Variants in TDRD12 observed in about 807,000 individuals in gnomAD.
TDRD12 encodes tudor domain containing 12.
Under a neutral mutation model 133.5 loss-of-function variants are expected in TDRD12, and 158 were observed. The observed-to-expected ratio is 1.18, with a 90% CI of 1.04 to 1.35. TDRD12 has a LOEUF of 1.35. Among genes scored for constraint, TDRD12 ranks in the 40% most tolerant of loss-of-function variants. TDRD12 has a pLI of 0.00. For missense variants in TDRD12, 1,443 were observed against 1,321.3 expected (o/e 1.09, Z -1.43); for synonymous variants, 460 against 477.9 (o/e 0.96, Z 0.49).
At chr19:32,766,858 G>T (rs142821036) in intron 8 of TDRD12, among the ~76,000 whole-genome samples, 1 of 151,674 alleles carries the variant, frequency 6.6e-6, no homozygotes, top group African/African-American at 2.4e-5. Flanking sequence ...TAAGTGATCC[G>T]CTGGCCTCAG....
rs538658017 is a variant in TDRD12, at chr19:32,784,524, CCT to C, written c.1122-6004_1122-6003del. On this transcript the variant is annotated intron_variant, in intron 11 of 27. Coordinates refer to ENST00000444215, the Ensembl canonical transcript of TDRD12. ...TCATAAAATGAGTTAGGAAGGATTC[CCT>C]CTTTTTCTGTTGATTGGAATAGTTT... Among the ~76,000 whole-genome samples the C allele has an allele frequency of 2.1e-3, 314 of 152,194 alleles. 2 individuals carry two copies. Among genetic ancestry groups the C allele is most frequent in the African/African-American group, 7.3e-3 (304 of 41,538 alleles).
intron 9 of TDRD12, 104 bp downstream of exon 9, chr19:32,772,954 A>G: frequency 1.7e-6 from 1 of 598,018 alleles, no homozygotes; most frequent in East Asian, 3.5e-5. Flanking sequence ...TTTTCTATTA[A>G]AAAATCATTG....
downstream of TDRD12, among the ~76,000 whole-genome samples, chr19:32,823,235 A>G (rs1326216458): frequency 3.9e-5 from 6 of 152,122 alleles, no homozygotes; most frequent in East Asian, 9.6e-4. Flanking sequence ...TTGAGGATGG[A>G]GAGTGTGGGA....
chr19:32,816,574 G>A lies in TDRD12; in HGVS notation c.3314+954G>A, dbSNP rs1967188624. 2.0e-5 allele frequency among the ~76,000 whole-genome samples: 3 copies of A among 152,150 alleles called. No homozygotes were observed. The South Asian group carries it at 6.2e-4, about 32-fold the overall frequency. ...AAATTTCCAGTTTGGGGTACTTCAG[G>A]TAATGGCGCTTTAAACATTACCGTA... On this transcript the variant is annotated intron_variant, in intron 26 of 27. Coordinates refer to ENST00000444215, the Ensembl canonical transcript of TDRD12.
intron 1 of TDRD12, among the ~76,000 whole-genome samples, chr19:32,730,937 C>T (rs1969031848): frequency 2.6e-5 from 4 of 152,162 alleles, no homozygotes. Flanking sequence ...ATTGCTTGAA[C>T]CCAGGAGGTG....
intron 19 of TDRD12, 69 bp from the exon 20 acceptor site, chr19:32,802,587 G>A: frequency 6.7e-7 from 1 of 1,495,764 alleles, no homozygotes; most frequent in Non-Finnish European, 8.9e-7. Flanking sequence ...GTGTGGCCGT[G>A]GGAACTGCCG....
chr19:32,771,615 G>T (rs1970446033), intron 8 of TDRD12, among the ~76,000 whole-genome samples: 1 of 148,980 alleles, frequency 6.7e-6, no homozygotes, highest in Non-Finnish European at 1.5e-5. Context: ...TCTTTATGAT[G>T]GCATTGAACT....
At chr19:32,828,469 TTTG>T (rs1282196262) in exon 10 of TDRD12, 1 of 152,244 alleles carries the variant, frequency 6.6e-6, no homozygotes, top group East Asian at 1.9e-4. Flanking sequence ...TTTGGGTTTC[TTTG>T]TTGACTGAAA....
intron 2 of TDRD12, among the ~76,000 whole-genome samples, chr19:32,736,598 C>T (rs1346435588): frequency 6.6e-6 from 1 of 152,196 alleles, no homozygotes; most frequent in Non-Finnish European, 1.5e-5. Flanking sequence ...GTCAGGATTT[C>T]TGTTGAATTA....
intron 12 of TDRD12, 146 bp from the exon 13 acceptor site, chr19:32,790,818 T>G (rs549396209): frequency 3.9e-4 from 539 of 1,385,996 alleles, no homozygotes; most frequent in Admixed American, 1.2e-3. Context: ...AGTTTGGTGG[T>G]TTTTTTTTTC....
chr19:32,785,185 A>C (rs1310814258), intron 11 of TDRD12, among the ~76,000 whole-genome samples: 4 of 152,212 alleles, frequency 2.6e-5, no homozygotes, highest in African/African-American at 9.6e-5. Context: ...GTTTCAAAGA[A>C]CATCTTTATT....
At chr19:32,784,633 T>C (rs1350374910) in intron 11 of TDRD12, among the ~76,000 whole-genome samples, 1 of 152,178 alleles carries the variant, frequency 6.6e-6, no homozygotes, top group Admixed American at 6.5e-5. Context: ...TTTTTTTTGG[T>C]TGGCAGGCTA....
At position 32,826,655 on chromosome 19, in the gene TDRD12, GCTCA is replaced by G. The variant is rs1478476422; in HGVS notation, c.1049+60_1049+63del. The stretch of plus-strand genomic sequence containing the variant: ...TACCCTGCGTGTGTCATATTCACGC[GCTCA>G]CTGTCAGCTGTTCTCTTGAACAGAA... On this transcript the variant is annotated intron_variant, in intron 9 of 9. Transcript: ENST00000637289. 1.3e-5 allele frequency: 16 copies of G among 1,230,470 alleles called. No homozygotes were observed. The South Asian group carries it at 2.5e-4, about 19-fold the overall frequency. The allele number at this position is 1,230,470 out of a possible 1,614,324, so 76.2% of individuals were successfully genotyped here.
At chr19:32,821,543 C>A (rs1484689692), downstream of TDRD12, among the ~76,000 whole-genome samples, 1 of 152,166 alleles carries the variant, frequency 6.6e-6, no homozygotes, top group East Asian at 1.9e-4. Context: ...ATATAGAATA[C>A]ATTCTTTTAT....
intron 11 of TDRD12, among the ~76,000 whole-genome samples, chr19:32,781,215 T>C (rs1021310768): frequency 2.0e-5 from 3 of 152,302 alleles, no homozygotes; most frequent in African/African-American, 7.2e-5. Context: ...GTGCTGGGAT[T>C]ACAGGCGTGA....
chr19:32,815,317 G>A lies in TDRD12; in HGVS notation c.3142-131G>A, dbSNP rs771488828. ...GATGCTGCCATGGAAAGCCCTGCAC[G>A]TTGTGGCAAGCGCCGAAGTGCAGCC... On this transcript the variant is annotated intron_variant, in intron 25 of 27. Transcript: ENST00000444215. 4.6e-5 allele frequency: 33 copies of A among 717,716 alleles called. 1 individual carries two copies. The Middle Eastern group carries it at 2.4e-3, about 52-fold the overall frequency. 44.5% of individuals were successfully genotyped at this position (717,716 alleles called of 1,614,324 possible).
chr19:32,720,730 C>T, intron 1 of TDRD12, among the ~76,000 whole-genome samples: 1 of 63,184 alleles, frequency 1.6e-5, no homozygotes, highest in African/African-American at 7.8e-5. Flanking sequence ...CCCCACACAC[C>T]CCACCACCAC....
intron 14 of TDRD12, 107 bp from the exon 15 acceptor site, chr19:32,797,628 A>C: frequency 1.8e-6 from 1 of 543,218 alleles, no homozygotes. Context: ...TTATAGCAGA[A>C]ACTTACGGGG....
intron 3 of TDRD12, among the ~76,000 whole-genome samples, chr19:32,742,313 C>T (rs1052462857): frequency 1.3e-5 from 2 of 152,048 alleles, no homozygotes; most frequent in African/African-American, 4.8e-5. Flanking sequence ...TGCACCACCA[C>T]GCCCACCTAA....
Sources: gnomAD v4.1 joint callset for allele counts (sites outside exome capture counted in the v4.1 genomes callset) on GRCh38, gnomAD v4.1.1 for gene constraint, MANE v1.5 for transcripts, NCBI Gene and HGNC (gene_info 2026-07-23, HGNC 2026-07-21) for gene names.